Variants in HAT1 observed in about 807,000 individuals in gnomAD.
The protein encoded by HAT1 is histone acetyltransferase 1.
In HAT1, 20 loss-of-function variants were observed where a neutral mutation model predicts 56.6. The observed-to-expected ratio is 0.35, with a 90% CI of 0.25 to 0.51. The LOEUF (loss-of-function observed/expected upper bound fraction) is 0.51. Ranked by LOEUF, HAT1 falls within the 20% of genes least tolerant of loss-of-function variation. The pLI, the probability that HAT1 is intolerant of heterozygous loss-of-function variation, is 0.95. For missense variants in HAT1, 408 were observed against 504.3 expected (o/e 0.81, Z 1.83); for synonymous variants, 146 against 165.5 (o/e 0.88, Z 0.91).
At chr2:171,956,215 G>T (rs1472549620) in intron 4 of HAT1, among the ~76,000 whole-genome samples, 2 of 148,044 alleles carry the variant, frequency 1.4e-5, no homozygotes, top group African/African-American at 5.1e-5. Flanking sequence ...CAGGCTTAGT[G>T]GCTCACATTT....
chr2:171,957,504 G>A (rs1224979314), intron 4 of HAT1, among the ~76,000 whole-genome samples: 3 of 152,154 alleles, frequency 2.0e-5, no homozygotes, highest in African/African-American at 2.4e-5. Context: ...GCCCTAGGAT[G>A]TATCATACCC....
At chr2:171,938,028 C>CAT (rs1357919200) in intron 2 of HAT1, among the ~76,000 whole-genome samples, 4 of 53,304 alleles carry the variant, frequency 7.5e-5, no homozygotes, top group Non-Finnish European at 2.1e-4. Context: ...TACTGATTCT[C>CAT]TCTCTCTCTC....
At chr2:171,974,487 T>G (rs1228129943) in intron 8 of HAT1, among the ~76,000 whole-genome samples, 6 of 152,216 alleles carry the variant, frequency 3.9e-5, no homozygotes, top group African/African-American at 1.4e-4. Flanking sequence ...TTGGTTAGAA[T>G]TTTCCACATA....
At chr2:171,970,419 TCA>T (rs1687783529) in intron 8 of HAT1, among the ~76,000 whole-genome samples, 2 of 145,918 alleles carry the variant, frequency 1.4e-5, no homozygotes, top group African/African-American at 5.2e-5. Context: ...ACACACAGAT[TCA>T]CACACACATA....
At chr2:171,931,489 C>T (rs191025835) in intron 2 of HAT1, among the ~76,000 whole-genome samples, 8 of 152,250 alleles carry the variant, frequency 5.3e-5, no homozygotes, top group Non-Finnish European at 8.8e-5. Context: ...GCCTGGTCAA[C>T]ATGGTGAAAT....
chr2:171,922,461 G>T lies in HAT1; in HGVS notation c.-40G>T, dbSNP rs548105897. Reference sequence around the variant, plus strand: ...CTTCCGGCCCGGGAGCGCGCGGGTTGATTCGTCCTTCCTCAGCCGCGGGTG... The same window carrying T: ...CTTCCGGCCCGGGAGCGCGCGGGTTTATTCGTCCTTCCTCAGCCGCGGGTG... On this transcript the variant is annotated 5_prime_UTR_variant, in exon 1 of 11. Coordinates refer to ENST00000264108, the MANE Select transcript of HAT1 (RefSeq NM_003642.4). The T allele has an allele frequency of 6.9e-5, 91 of 1,317,804 alleles. No homozygotes were observed. In the East Asian group the frequency reaches 2.5e-3, roughly 37 times the overall value. The allele number at this position is 1,317,804 out of a possible 1,614,324, so 81.6% of individuals were successfully genotyped here. A position where few individuals can be genotyped will look rare whatever the true frequency, so the allele number is the denominator to read the frequency against.
chr2:171,932,109 A>G (rs1686764108), intron 2 of HAT1, among the ~76,000 whole-genome samples: 1 of 152,192 alleles, frequency 6.6e-6, no homozygotes, highest in African/African-American at 2.4e-5. Context: ...TAATGTGGTG[A>G]ATTACATTGA....
At chr2:171,974,946 T>C (rs1386346641) in intron 8 of HAT1, among the ~76,000 whole-genome samples, 1 of 152,198 alleles carries the variant, frequency 6.6e-6, no homozygotes, top group East Asian at 1.9e-4. Flanking sequence ...TAATTCATTT[T>C]ATATATTGCC....
At chr2:171,951,622 G>A (rs529686428) in intron 3 of HAT1, among the ~76,000 whole-genome samples, 3 of 143,686 alleles carry the variant, frequency 2.1e-5, no homozygotes, top group South Asian at 2.2e-4. Context: ...TAGTAGAAAC[G>A]TGGTTTCACC....
chr2:171,934,236 A>G (rs1460203379), intron 2 of HAT1, among the ~76,000 whole-genome samples: 1 of 152,242 alleles, frequency 6.6e-6, no homozygotes, highest in Non-Finnish European at 1.5e-5. Context: ...CAGCATGTTT[A>G]TATGCTGATG....
At chr2:171,976,345 T>C (rs1558980545) in intron 9 of HAT1, 37 bp downstream of exon 9, 2 of 1,331,458 alleles carry the variant, frequency 1.5e-6, no homozygotes, top group Non-Finnish European at 2.1e-6. Flanking sequence ...AGATTTAAAT[T>C]ACAAACAAAT....
At chr2:171,930,245 TCACTG>T (rs1686705483) in intron 2 of HAT1, among the ~76,000 whole-genome samples, 1 of 152,210 alleles carries the variant, frequency 6.6e-6, no homozygotes, top group African/African-American at 2.4e-5. Flanking sequence ...TGATCTCCAC[TCACTG>T]CAACCTCTGC....
At chr2:171,960,084 T>C (rs1428078149) in intron 4 of HAT1, among the ~76,000 whole-genome samples, 1 of 152,172 alleles carries the variant, frequency 6.6e-6, no homozygotes, top group Non-Finnish European at 1.5e-5. Flanking sequence ...ATAAGAGTAG[T>C]TGGCATTCTT....
At chr2:171,976,593 T>C (rs1687972089) in intron 9 of HAT1, among the ~76,000 whole-genome samples, 1 of 152,172 alleles carries the variant, frequency 6.6e-6, no homozygotes, top group African/African-American at 2.4e-5. Context: ...AGAGGAAAGA[T>C]GGATAATAGG....
At chr2:171,961,099 G>A (rs1286621911) in intron 4 of HAT1, among the ~76,000 whole-genome samples, 2 of 152,092 alleles carry the variant, frequency 1.3e-5, no homozygotes, top group Non-Finnish European at 2.9e-5. Flanking sequence ...CCGAGTTCGC[G>A]CCACTGTACT....
In HAT1 at chr2:171,955,991, G is replaced by A. The variant is rs945398351; in HGVS notation, c.309+2990G>A. On this transcript the variant is annotated intron_variant, in intron 4 of 10. Transcript: ENST00000264108. ...ACCCGGTAGGCGGAGGTTGCGGTGA[G>A]CCGATATCGCGCCACTGCACTCCAG... Among the ~76,000 whole-genome samples, 6 of 152,108 alleles carry A rather than the reference G, an allele frequency of 3.9e-5. No individual in the cohort carries two copies. In the East Asian group the frequency reaches 9.7e-4, roughly 25 times the overall value.
At chr2:171,931,388 TGATA>T (rs1364212198) in intron 2 of HAT1, among the ~76,000 whole-genome samples, 4 of 149,180 alleles carry the variant, frequency 2.7e-5, no homozygotes, top group African/African-American at 9.9e-5. Flanking sequence ...GACCCTGTCT[TGATA>T]GATAGATAGC....
intron 2 of HAT1, among the ~76,000 whole-genome samples, chr2:171,941,154 T>C (rs1040178125): frequency 3.9e-5 from 6 of 152,208 alleles, no homozygotes; most frequent in African/African-American, 1.4e-4. Flanking sequence ...TGCCACCAGA[T>C]GCAGCTTAGT....
At chr2:171,938,589 A>G (rs1686937760) in intron 2 of HAT1, among the ~76,000 whole-genome samples, 1 of 152,104 alleles carries the variant, frequency 6.6e-6, no homozygotes, top group African/African-American at 2.4e-5. Context: ...CTACTCTGTA[A>G]TCTCGTTTTG....
Sources: gnomAD v4.1 joint callset for allele counts (sites outside exome capture counted in the v4.1 genomes callset) on GRCh38, gnomAD v4.1.1 for gene constraint, MANE v1.5 for transcripts, NCBI Gene and HGNC (gene_info 2026-07-23, HGNC 2026-07-21) for gene names.